PPM1L: variants seen among roughly 807,000 people sequenced by gnomAD.
The protein encoded by PPM1L is protein phosphatase 1L.
Under a neutral mutation model 31.4 loss-of-function variants are expected in PPM1L, and 13 were observed. That is an observed-to-expected ratio of 0.41 (90% CI 0.27 to 0.66). The LOEUF (loss-of-function observed/expected upper bound fraction) is 0.66. PPM1L is among the 30% of genes least tolerant of loss of function. The probability of loss-of-function intolerance (pLI) is 0.29; values close to 1 mark genes in which losing one functional copy is unlikely to be tolerated. For synonymous variants in PPM1L, 184 were observed against 175.4 expected (o/e 1.05, Z -0.39); for missense variants, 326 against 453.7 (o/e 0.72, Z 2.56).
intron 1 of PPM1L, among the ~76,000 whole-genome samples, chr3:160,944,819 T>C (rs1289706517): frequency 6.4e-5 from 2 of 31,426 alleles, no homozygotes; most frequent in African/African-American, 1.7e-4. Context: ...AACATATATA[T>C]GTTATATATA....
intron 2 of PPM1L, among the ~76,000 whole-genome samples, chr3:161,030,782 G>T (rs1219221836): frequency 6.6e-5 from 10 of 152,036 alleles, no homozygotes; most frequent in Non-Finnish European, 1.5e-4. Flanking sequence ...ATAAGAGAAA[G>T]AAGGCCTCTA....
At chr3:161,008,281 G>A (rs1264372475) in intron 2 of PPM1L, among the ~76,000 whole-genome samples, 1 of 152,230 alleles carries the variant, frequency 6.6e-6, no homozygotes, top group Non-Finnish European at 1.5e-5. Context: ...CAGGAGGAAG[G>A]AATGCTGCAC....
chr3:160,989,467 C>A (rs112236237), intron 2 of PPM1L, among the ~76,000 whole-genome samples: 1 of 150,364 alleles, frequency 6.7e-6, no homozygotes, highest in African/African-American at 2.5e-5. Context: ...TGCAATGCTG[C>A]GATCTTGGCT....
At chr3:160,934,758 G>A (rs1351733887) in intron 1 of PPM1L, among the ~76,000 whole-genome samples, 4 of 152,050 alleles carry the variant, frequency 2.6e-5, no homozygotes, top group South Asian at 2.1e-4. Context: ...TTTGAGACAC[G>A]CCTGGGCAAT....
chr3:160,939,844 G>A (rs1040914910), intron 1 of PPM1L: 2 of 158,264 alleles, frequency 1.3e-5, no homozygotes, highest in African/African-American at 2.4e-5. Context: ...ACCTGAAAAT[G>A]TGGAAGTGAC....
Position 161,069,018 on chromosome 3 carries a change from G to A in PPM1L, c.944G>A (p.Arg315Gln), listed in dbSNP as rs773843756. 27 of 1,614,138 alleles carry A rather than the reference G, an allele frequency of 1.7e-5. No homozygotes were observed. The highest frequency in any genetic ancestry group is 2.2e-5 in the South Asian group (2 of 91,060). ...GCTTTCAGCAATGAAGAAGCAGTTC[G>A]ATTCATCAAGGAGCGCTTGGATGAA... The part of the protein sequence containing the change: ...WDAFSNEEAV[R>Q]FIKERLDEPH... The change falls in exon 4 of 4, where the codon CGA becomes CAA. Residue 315 changes from arginine (R) to glutamine (Q), a missense_variant. Arg to Gln is a conservative substitution (Grantham distance 43). Coordinates refer to ENST00000498165, the MANE Select transcript of PPM1L (RefSeq NM_139245.4).
At chr3:160,994,157 T>C (rs1717228752) in intron 2 of PPM1L, among the ~76,000 whole-genome samples, 1 of 152,174 alleles carries the variant, frequency 6.6e-6, no homozygotes, top group African/African-American at 2.4e-5. Context: ...AAAATAGTAA[T>C]TGGGCACCTA....
chr3:160,871,197 C>G (rs149266124), intron 1 of PPM1L, among the ~76,000 whole-genome samples: 124 of 152,282 alleles, frequency 8.1e-4, no homozygotes, highest in African/African-American at 2.8e-3. Flanking sequence ...ATAATTGGCA[C>G]TGTTCAAATC....
intron 1 of PPM1L, among the ~76,000 whole-genome samples, chr3:160,795,474 CT>C (rs926985118): frequency 5.9e-5 from 9 of 152,266 alleles, no homozygotes; most frequent in African/African-American, 2.2e-4. Context: ...AAAATTGCCC[CT>C]GGGTGAGAAC....
At chr3:160,974,131 T>G (rs975066649) in intron 2 of PPM1L, among the ~76,000 whole-genome samples, 5 of 149,818 alleles carry the variant, frequency 3.3e-5, no homozygotes, top group Non-Finnish European at 5.9e-5. Flanking sequence ...GTTTGGTTTT[T>G]TGTTCTTGCG....
At chr3:161,061,371 A>C (rs1306917757) in intron 2 of PPM1L, among the ~76,000 whole-genome samples, 2 of 152,214 alleles carry the variant, frequency 1.3e-5, no homozygotes, top group African/African-American at 4.8e-5. Flanking sequence ...TTGCTAACAT[A>C]GGCAGGATAG....
At chr3:160,798,191 AAC>A (rs56817111) in intron 1 of PPM1L, among the ~76,000 whole-genome samples, 16,193 of 151,788 alleles carry the variant, frequency 0.11, 1,399 homozygotes, top group African/African-American at 0.24. Context: ...AACAAAAACA[AAC>A]AAACAAACAA....
At chr3:160,842,114 A>T (rs1469136984) in intron 1 of PPM1L, 1 of 615,218 alleles carries the variant, frequency 1.6e-6, no homozygotes, top group Admixed American at 2.6e-5. Flanking sequence ...TACATAACCA[A>T]TACAGGGTTT....
chr3:160,903,281 C>T (rs918993492), intron 1 of PPM1L, among the ~76,000 whole-genome samples: 4 of 147,390 alleles, frequency 2.7e-5, no homozygotes, highest in South Asian at 2.1e-4. Context: ...TATGTGATTG[C>T]AGGAGCTGGC....
At position 161,013,879 on chromosome 3, in the gene PPM1L, A is replaced by G. The variant is rs542462240; in HGVS notation, c.575-51524A>G. Among the ~76,000 whole-genome samples, 10 of 152,152 alleles carry G rather than the reference A, an allele frequency of 6.6e-5. No homozygotes were observed. In the East Asian group the frequency reaches 1.9e-3, roughly 29 times the overall value. ...TTTTTGTTTTCCATTTGCTTGGTAG[A>G]TCTTCCTCCATCCCTTTATTTTGAG... is the stretch of plus-strand genomic sequence containing the variant. On this transcript the variant is annotated intron_variant, in intron 2 of 3. Transcript: ENST00000498165.
intron 1 of PPM1L, among the ~76,000 whole-genome samples, chr3:160,827,897 T>A (rs1178088399): frequency 6.6e-6 from 1 of 152,006 alleles, no homozygotes; most frequent in Non-Finnish European, 1.5e-5. Flanking sequence ...CTCATGGAAC[T>A]TTTACTCAAG....
At chr3:161,040,196 C>T (rs371886146) in intron 2 of PPM1L, among the ~76,000 whole-genome samples, 1 of 152,120 alleles carries the variant, frequency 6.6e-6, no homozygotes. Flanking sequence ...TTTAGACACC[C>T]CTTTGCTTTC....
intron 1 of PPM1L, among the ~76,000 whole-genome samples, chr3:160,792,020 G>A (rs557666190): frequency 6.6e-6 from 1 of 152,270 alleles, no homozygotes; most frequent in South Asian, 2.1e-4. Flanking sequence ...AGGTAGATGG[G>A]TGTGTGTTAA....
intron 1 of PPM1L, among the ~76,000 whole-genome samples, chr3:160,868,278 A>AG (rs1277056033): frequency 4.6e-5 from 7 of 152,176 alleles, no homozygotes; most frequent in Admixed American, 1.3e-4. Flanking sequence ...GTCTTAGGGA[A>AG]GGGGGGTCCA....
Sources: gnomAD v4.1 joint callset for allele counts (sites outside exome capture counted in the v4.1 genomes callset) on GRCh38, gnomAD v4.1.1 for gene constraint, MANE v1.5 for transcripts, NCBI Gene and HGNC (gene_info 2026-07-23, HGNC 2026-07-21) for gene names.